The following ROBO2 variants were observed in gnomAD, a reference collection of about 807,000 sequenced individuals.
The protein encoded by ROBO2 is roundabout homolog 2.
Under a neutral mutation model 160.8 loss-of-function variants are expected in ROBO2, and 53 were observed. That is an observed-to-expected ratio of 0.33 (90% CI 0.26 to 0.41). The LOEUF is 0.41. Ranked by LOEUF, ROBO2 falls within the 10% of genes least tolerant of loss-of-function variation. The pLI, the probability that ROBO2 is intolerant of heterozygous loss-of-function variation, is 1.00. For synonymous variants in ROBO2, 664 were observed against 611.7 expected (o/e 1.09, Z -1.26); for missense variants, 1,577 against 1,722.4 (o/e 0.92, Z 1.49).
exon 1 of ROBO2, chr3:77,040,290 C>G: frequency 2.0e-6 from 2 of 994,660 alleles, no homozygotes; most frequent in Non-Finnish European, 2.4e-6. Context: ...TAAAAAATAA[C>G]TCCGGACGTG....
rs879918403 is a variant in ROBO2, at chr3:76,085,110, T to TACAC, written c.109+147509_109+147510insCACA. Among the ~76,000 whole-genome samples, 657 of 144,066 alleles carry TACAC rather than the reference T, an allele frequency of 4.6e-3. 16 individuals carry two copies. The East Asian group carries it at 0.087, about 19-fold the overall frequency. 94.5% of individuals were successfully genotyped at this position (144,066 alleles called of 152,430 possible). ...ACAAACCCCCCAGTTTACATATATA[T>TACAC]ATATATACACACACACACACACACA... On this transcript the variant is annotated intron_variant, in intron 2 of 26. Coordinates refer to the ROBO2 transcript ENST00000487694.
At chr3:76,025,065 A>G (rs1402023653) in intron 2 of ROBO2, among the ~76,000 whole-genome samples, 3 of 151,276 alleles carry the variant, frequency 2.0e-5, no homozygotes, top group African/African-American at 4.8e-5. Context: ...GGAGAACCAT[A>G]GTGTTAGTAA....
At chr3:77,069,198 T>C (rs147699724) in intron 1 of ROBO2, among the ~76,000 whole-genome samples, 3 of 152,218 alleles carry the variant, frequency 2.0e-5, no homozygotes, top group Non-Finnish European at 2.9e-5. Flanking sequence ...TCTCAGGCAG[T>C]ATGCAAAAAT....
chr3:77,200,319 A>G (rs1327232406), intron 2 of ROBO2, among the ~76,000 whole-genome samples: 2 of 61,536 alleles, frequency 3.3e-5, no homozygotes, highest in Admixed American at 1.7e-4. Context: ...ATATATATAT[A>G]TATTTTAGTT....
intron 2 of ROBO2, among the ~76,000 whole-genome samples, chr3:76,240,730 A>G (rs751190949): frequency 1.3e-5 from 2 of 152,154 alleles, no homozygotes; most frequent in Non-Finnish European, 2.9e-5. Context: ...CAATAGATAC[A>G]TATACAAGAG....
intron 2 of ROBO2, among the ~76,000 whole-genome samples, chr3:76,453,662 A>T (rs760911052): frequency 3.9e-5 from 6 of 152,138 alleles, no homozygotes; most frequent in Admixed American, 3.3e-4. Context: ...TTAAAATACC[A>T]TAAATTCAAA....
intron 23 of ROBO2, among the ~76,000 whole-genome samples, chr3:77,623,566 T>G (rs2094943996): frequency 6.6e-6 from 1 of 152,208 alleles, no homozygotes; most frequent in Non-Finnish European, 1.5e-5. Flanking sequence ...GTTTTTCTTC[T>G]TATCCAGGGG....
At chr3:76,070,322 C>A (rs1373851270) in intron 2 of ROBO2, among the ~76,000 whole-genome samples, 2 of 152,088 alleles carry the variant, frequency 1.3e-5, no homozygotes, top group Non-Finnish European at 2.9e-5. Flanking sequence ...GGGGTTGGGT[C>A]TCTGAACTGG....
chr3:76,358,929 C>G (rs942312517), intron 2 of ROBO2, among the ~76,000 whole-genome samples: 3 of 132,882 alleles, frequency 2.3e-5, no homozygotes, highest in Admixed American at 7.8e-5. Flanking sequence ...CCCCTCCCCC[C>G]ACCCCACAAC....
chr3:77,512,028 C>G (rs542004063), intron 5 of ROBO2, among the ~76,000 whole-genome samples: 72 of 152,022 alleles, frequency 4.7e-4, no homozygotes, highest in African/African-American at 1.6e-3. Context: ...TGAACATTAG[C>G]CTGCATTATA....
At chr3:77,556,373 T>C (rs1013882245) in intron 8 of ROBO2, among the ~76,000 whole-genome samples, 3 of 151,912 alleles carry the variant, frequency 2.0e-5, no homozygotes, top group Non-Finnish European at 2.9e-5. Context: ...TTTTTGTTTG[T>C]GAATGATAAA....
chr3:77,364,612 A>G (rs1186739105), intron 2 of ROBO2, among the ~76,000 whole-genome samples: 1 of 152,140 alleles, frequency 6.6e-6, no homozygotes, highest in Non-Finnish European at 1.5e-5. Flanking sequence ...ATACCAGCTG[A>G]TATAACCTTG....
At chr3:76,109,978 T>C (rs1307647318) in intron 2 of ROBO2, among the ~76,000 whole-genome samples, 2 of 151,834 alleles carry the variant, frequency 1.3e-5, no homozygotes, top group Non-Finnish European at 2.9e-5. Flanking sequence ...TTCAGGTTGC[T>C]GAAAAACAAT....
chr3:76,371,198 CAAG>C (rs747850661), intron 2 of ROBO2, among the ~76,000 whole-genome samples: 12 of 151,886 alleles, frequency 7.9e-5, no homozygotes, highest in Non-Finnish European at 1.5e-4. Flanking sequence ...GTTAGAAGTG[CAAG>C]AAGAAGTTTG....
intron 2 of ROBO2, among the ~76,000 whole-genome samples, chr3:76,073,476 A>G (rs916757454): frequency 5.4e-4 from 82 of 151,306 alleles, no homozygotes; most frequent in African/African-American, 1.9e-3. Flanking sequence ...TATTTTTAGT[A>G]GAGACGGGGT....
chr3:76,732,312 A>T (rs1402707236), intron 2 of ROBO2, among the ~76,000 whole-genome samples: 1 of 152,200 alleles, frequency 6.6e-6, no homozygotes, highest in Non-Finnish European at 1.5e-5. Flanking sequence ...GATAAATTGA[A>T]GTACATTTTG....
chr3:76,378,820 G>A (rs2076478322), intron 2 of ROBO2, among the ~76,000 whole-genome samples: 2 of 152,190 alleles, frequency 1.3e-5, no homozygotes, highest in Admixed American at 6.5e-5. Flanking sequence ...AAATGCAAGA[G>A]TCATGAAATT....
intron 2 of ROBO2, among the ~76,000 whole-genome samples, chr3:76,733,586 G>T (rs945949644): frequency 3.3e-5 from 5 of 152,116 alleles, no homozygotes; most frequent in Admixed American, 6.5e-5. Context: ...TCACCATTTT[G>T]CAGATGAGGA....
intron 2 of ROBO2, among the ~76,000 whole-genome samples, chr3:77,232,035 T>C (rs1268274363): frequency 6.6e-6 from 1 of 152,252 alleles, no homozygotes; most frequent in Non-Finnish European, 1.5e-5. Context: ...TCAACTTTGC[T>C]GTATTGTTTC....
Sources: gnomAD v4.1 joint callset for allele counts (sites outside exome capture counted in the v4.1 genomes callset) on GRCh38, gnomAD v4.1.1 for gene constraint, MANE v1.5 for transcripts, NCBI Gene and HGNC (gene_info 2026-07-23, HGNC 2026-07-21) for gene names.